GALNT11: variants seen among roughly 807,000 people sequenced by gnomAD.
GALNT11 encodes UDP-GalNAc:polypeptide N-acetylgalactosaminyltransferase 11.
In GALNT11, 47 loss-of-function variants were observed where a neutral mutation model predicts 72.7. The ratio of observed to expected loss-of-function variants is 0.65; its 90% CI spans 0.51 to 0.82. The LOEUF is 0.82. Ranked by LOEUF, GALNT11 falls within the 40% of genes least tolerant of loss-of-function variation. The probability of loss-of-function intolerance (pLI) is 0.00; values close to 1 mark genes in which losing one functional copy is unlikely to be tolerated. For missense variants in GALNT11, 677 were observed against 778.4 expected, an observed-to-expected ratio of 0.87 and a Z score of 1.55; for synonymous variants, 270 against 286.6, an observed-to-expected ratio of 0.94 and a Z score of 0.58.
intron 10 of GALNT11, chr7:152,119,492 T>C (rs984370542): frequency 2.0e-5 from 3 of 152,124 alleles, no homozygotes; most frequent in African/African-American, 7.2e-5. Context: ...TGTGCTGTGA[T>C]GTGTGCTGTG....
chr7:152,044,934 C>T (rs1466383329), intron 1 of GALNT11, among the ~76,000 whole-genome samples: 1 of 151,608 alleles, frequency 6.6e-6, no homozygotes, highest in African/African-American at 2.4e-5. Flanking sequence ...TTGTATATGG[C>T]TTTTATTCTA....
At chr7:152,109,099 G>C (rs1289540787) in intron 6 of GALNT11, among the ~76,000 whole-genome samples, 1 of 152,190 alleles carries the variant, frequency 6.6e-6, no homozygotes, top group Non-Finnish European at 1.5e-5. Flanking sequence ...ATTCACACAG[G>C]CTTGCCCAAG....
chr7:152,103,574 T>TA (rs1379174878), intron 4 of GALNT11: 1 of 296,720 alleles, frequency 3.4e-6, no homozygotes, highest in Admixed American at 3.9e-5. Flanking sequence ...ACGGCCTATG[T>TA]ACCTTTATCC....
intron 1 of GALNT11, among the ~76,000 whole-genome samples, chr7:152,054,154 C>G (rs79817270): frequency 0.043 from 6,489 of 151,840 alleles, 451 homozygotes; most frequent in African/African-American, 0.15. Context: ...TTTAATTTTG[C>G]CCATCACCTT....
chr7:152,037,863 G>C (rs2082655809), intron 1 of GALNT11, among the ~76,000 whole-genome samples: 1 of 152,008 alleles, frequency 6.6e-6, no homozygotes, highest in African/African-American at 2.4e-5. Context: ...CCACCTCCTG[G>C]GTTCGCATGA....
intron 10 of GALNT11, 126 bp from the exon 11 acceptor site, chr7:152,120,705 G>C (rs1358837387): frequency 2.5e-6 from 2 of 793,868 alleles, no homozygotes; most frequent in Non-Finnish European, 4.1e-6. Flanking sequence ...CTGCTTCCCT[G>C]TAAGTCTAGT....
chr7:152,065,812 A>G (rs1286155916), intron 1 of GALNT11, among the ~76,000 whole-genome samples: 2 of 152,186 alleles, frequency 1.3e-5, no homozygotes, highest in East Asian at 1.9e-4. Context: ...GCGTCATCTC[A>G]GAGGGGTACC....
chr7:152,065,964 A>G (rs2084284446), intron 1 of GALNT11, among the ~76,000 whole-genome samples: 1 of 152,090 alleles, frequency 6.6e-6, no homozygotes, highest in South Asian at 2.1e-4. Context: ...ACTCTATTCA[A>G]AGTTGTCAGA....
At chr7:152,106,347 C>A (rs1229913496) in intron 5 of GALNT11, among the ~76,000 whole-genome samples, 1 of 152,214 alleles carries the variant, frequency 6.6e-6, no homozygotes, top group African/African-American at 2.4e-5. Context: ...ACCACTCCCC[C>A]TGTGGAGCCA....
At chr7:152,048,553 G>A (rs1421514530) in intron 1 of GALNT11, among the ~76,000 whole-genome samples, 5 of 149,722 alleles carry the variant, frequency 3.3e-5, no homozygotes, top group Admixed American at 6.6e-5. Context: ...TTTTTGAGAC[G>A]GAGTCTCACT....
intron 1 of GALNT11, among the ~76,000 whole-genome samples, chr7:152,083,816 C>G (rs1455902725): frequency 2.0e-5 from 3 of 152,134 alleles, no homozygotes; most frequent in African/African-American, 7.2e-5. Context: ...GTCTTTTTAT[C>G]CAAGAATATG....
intron 1 of GALNT11, among the ~76,000 whole-genome samples, chr7:152,038,160 C>T (rs1018221128): frequency 3.9e-5 from 6 of 152,076 alleles, no homozygotes; most frequent in Non-Finnish European, 8.8e-5. Flanking sequence ...GAGACCCTTA[C>T]CCAGCGGCGC....
intron 1 of GALNT11, among the ~76,000 whole-genome samples, chr7:152,071,585 C>G (rs1438624246): frequency 6.6e-6 from 1 of 152,104 alleles, no homozygotes; most frequent in East Asian, 1.9e-4. Context: ...CAACATACAT[C>G]TTCCTCAGCT....
intron 1 of GALNT11, among the ~76,000 whole-genome samples, chr7:152,071,440 T>G (rs1198813055): frequency 1.3e-5 from 2 of 152,070 alleles, no homozygotes; most frequent in African/African-American, 4.8e-5. Flanking sequence ...GCGGTCAGAG[T>G]TTAAGGTTAT....
chr7:152,056,772 C>T (rs2083701305), intron 1 of GALNT11, among the ~76,000 whole-genome samples: 1 of 152,044 alleles, frequency 6.6e-6, no homozygotes, highest in African/African-American at 2.4e-5. Context: ...AACCAATATG[C>T]ATACAGAACC....
intron 1 of GALNT11, among the ~76,000 whole-genome samples, chr7:152,030,200 C>T (rs1211902425): frequency 6.6e-6 from 1 of 152,138 alleles, no homozygotes; most frequent in Non-Finnish European, 1.5e-5. Flanking sequence ...GGGAGACTCC[C>T]TTTCCTGGTC....
chr7:152,116,180 C>T (rs536873306), intron 8 of GALNT11, among the ~76,000 whole-genome samples: 1 of 152,150 alleles, frequency 6.6e-6, no homozygotes, highest in Non-Finnish European at 1.5e-5. Context: ...AATGACTAAT[C>T]CACACTGTTA....
rs1180441966 is a variant in GALNT11, at chr7:152,076,095, AAGAG to A, written c.-38-18091_-38-18088del. On this transcript the variant is annotated intron_variant, in intron 1 of 11. Transcript: ENST00000430044. ...AAAAAAAAAAAAAAAAAAAAAGAAG[AAGAG>A]AGAAAAGTTCATCGCTTTTTTAATG... Among the ~76,000 whole-genome samples the A allele has an allele frequency of 4.1e-3, 600 of 147,732 alleles. 7 individuals are homozygous for A. Among genetic ancestry groups the A allele is most frequent in the African/African-American group, 0.014 (576 of 40,216 alleles).
intron 11 of GALNT11, among the ~76,000 whole-genome samples, chr7:152,121,299 G>A (rs542995337): frequency 4.6e-5 from 7 of 152,352 alleles, no homozygotes; most frequent in East Asian, 1.9e-4. Context: ...GCGGATCGCC[G>A]TAGCCCAACA....
Sources: gnomAD v4.1 joint callset for allele counts (sites outside exome capture counted in the v4.1 genomes callset) on GRCh38, gnomAD v4.1.1 for gene constraint, MANE v1.5 for transcripts, NCBI Gene and HGNC (gene_info 2026-07-23, HGNC 2026-07-21) for gene names.